VAMP7: variants seen among roughly 807,000 people sequenced by gnomAD.
VAMP7 encodes vesicle-associated membrane protein 7.
In VAMP7, 14 loss-of-function variants were observed where a neutral mutation model predicts 29.6. The observed-to-expected ratio is 0.47, with a 90% CI of 0.31 to 0.74. VAMP7 has a LOEUF of 0.74. VAMP7 is among the 30% of genes least tolerant of loss of function. VAMP7 has a pLI of 0.05. For synonymous variants in VAMP7, 95 were observed against 88.1 expected, an observed-to-expected ratio of 1.08 and a Z score of -0.44; for missense variants, 223 against 262.4, an observed-to-expected ratio of 0.85 and a Z score of 1.04.
rs1314613616 is a variant in VAMP7, at chrX:155,898,261, C to G, written c.342+12C>G. On this transcript the variant is annotated intron_variant, in intron 4 of 7. Transcript: ENST00000286448. The stretch of plus-strand genomic sequence containing the variant: ...TAGCTGCACAGCTGGTAAGATCTTT[C>G]TCAGGATAAGGTATTTTGATTTATA... The G allele has an allele frequency of 1.9e-6, 3 of 1,612,476 alleles. No individual in the cohort carries two copies. Among genetic ancestry groups the G allele is most frequent in the South Asian group, 2.2e-5 (2 of 90,718 alleles).
intron 2 of VAMP7, among the ~76,000 whole-genome samples, chrX:155,894,308 T>G (rs1300818415): frequency 2.4e-4 from 36 of 150,542 alleles, no homozygotes; most frequent in African/African-American, 4.9e-4. Flanking sequence ...TTTGTTTTTT[T>G]TTTTTTTTTT....
chrX:155,930,476 C>T (rs1233437802), intron 6 of VAMP7, among the ~76,000 whole-genome samples: 1 of 121,830 alleles, frequency 8.2e-6, no homozygotes, highest in African/African-American at 3.3e-5. Flanking sequence ...GACCTTATCT[C>T]TACAAAACCA....
At chrX:155,906,230 C>G (rs2066144641) in intron 5 of VAMP7, among the ~76,000 whole-genome samples, 1 of 152,150 alleles carries the variant, frequency 6.6e-6, no homozygotes, top group South Asian at 2.1e-4. Flanking sequence ...AATACCCCAC[C>G]CTTGATCAAG....
At chrX:155,939,095 A>G (rs1478445808) in intron 6 of VAMP7, among the ~76,000 whole-genome samples, 3 of 156 alleles carry the variant, frequency 0.019, no homozygotes, top group East Asian at 0.12. Context: ...CTGTGGGACC[A>G]TACCAGAGTG....
intron 6 of VAMP7, among the ~76,000 whole-genome samples, chrX:155,925,353 G>T (rs1302993168): frequency 6.6e-6 from 1 of 152,160 alleles, no homozygotes; most frequent in Non-Finnish European, 1.5e-5. Flanking sequence ...TAAATAATAA[G>T]ACTTGAAAGT....
intron 5 of VAMP7, among the ~76,000 whole-genome samples, chrX:155,906,171 G>A (rs1226856805): frequency 6.6e-6 from 1 of 152,034 alleles, no homozygotes; most frequent in Non-Finnish European, 1.5e-5. Context: ...TCTCATCCTC[G>A]GGCTCTGTCC....
chrX:155,931,074 T>G (rs1204552887), intron 6 of VAMP7, among the ~76,000 whole-genome samples: 2 of 152,190 alleles, frequency 1.3e-5, no homozygotes, highest in Non-Finnish European at 2.9e-5. Context: ...TATTTCATAG[T>G]GTATACGTGC....
intron 6 of VAMP7, among the ~76,000 whole-genome samples, chrX:155,938,784 C>T (rs192214221): frequency 7.4e-4 from 113 of 152,218 alleles, no homozygotes; most frequent in African/African-American, 2.5e-3. Flanking sequence ...CCACTGCACT[C>T]CAGCTTGGGC....
In VAMP7 at chrX:155,884,661, T is replaced by C. The variant is rs185590764; in HGVS notation, c.-10+3213T>C. On this transcript the variant is annotated intron_variant, in intron 1 of 7. Coordinates refer to ENST00000286448, the MANE Select transcript of VAMP7 (RefSeq NM_005638.6). ...ACACCTATTTCTTTATAGACAGGAA[T>C]GCAAGTGCAGCACTGAATTGTGTGC... is the stretch of plus-strand genomic sequence containing the variant. Among the ~76,000 whole-genome samples, 190 of 152,374 alleles carry C rather than the reference T, an allele frequency of 1.2e-3. 2 individuals carry two copies. Among genetic ancestry groups the C allele is most frequent in the African/African-American group, 4.4e-3 (185 of 41,600 alleles).
At chrX:155,932,549 C>T (rs1474876297) in intron 6 of VAMP7, among the ~76,000 whole-genome samples, 3 of 152,060 alleles carry the variant, frequency 2.0e-5, no homozygotes, top group African/African-American at 4.8e-5. Context: ...GATTTTTGCA[C>T]GTTGATTTCG....
chrX:155,914,661 C>T (rs1054326174), intron 5 of VAMP7, among the ~76,000 whole-genome samples: 18 of 152,052 alleles, frequency 1.2e-4, no homozygotes, highest in Admixed American at 1.3e-4. Flanking sequence ...TGATGGATTA[C>T]GTTTATTGAT....
At position 155,927,607 on chromosome X, in the gene VAMP7, G is replaced by A. The variant is rs780871595; in HGVS notation, c.501+7727G>A. 1.6e-4 allele frequency among the ~76,000 whole-genome samples: 24 copies of A among 151,410 alleles called. No individual in the cohort carries two copies. In the South Asian group the frequency reaches 2.7e-3, roughly 17 times the overall value. The stretch of plus-strand genomic sequence containing the variant: ...TTCCTGCAGTTCTGTTTCAGTGTAC[G>A]ATTTTGTTTGCTTCAAACTGAAGAA... On this transcript the variant is annotated intron_variant, in intron 6 of 7. Coordinates refer to ENST00000286448, the MANE Select transcript of VAMP7 (RefSeq NM_005638.6).
intron 6 of VAMP7, among the ~76,000 whole-genome samples, chrX:155,939,243 A>G (rs2066707882): frequency 6.6e-6 from 1 of 152,162 alleles, no homozygotes; most frequent in South Asian, 2.1e-4. Flanking sequence ...GAAGGAATGA[A>G]GTTCTATGGG....
chrX:155,898,312 T>C, intron 4 of VAMP7, 63 bp downstream of exon 4: 1 of 1,583,886 alleles, frequency 6.3e-7, no homozygotes, highest in Admixed American at 1.8e-5. Flanking sequence ...TCAAACACTA[T>C]GAATCTAGGG....
At chrX:155,908,593 C>T (rs1406132507) in intron 5 of VAMP7, among the ~76,000 whole-genome samples, 2 of 123,324 alleles carry the variant, frequency 1.6e-5, no homozygotes, top group Admixed American at 8.1e-5. Context: ...AGAGGGAGAG[C>T]CATTTTCTTT....
chrX:155,910,929 T>C (rs992432265), intron 5 of VAMP7, among the ~76,000 whole-genome samples: 2 of 152,196 alleles, frequency 1.3e-5, no homozygotes, highest in African/African-American at 4.8e-5. Context: ...GTGCAAAAGC[T>C]TTTTTGTTTA....
At chrX:155,941,560 A>G (rs2066744321) in intron 7 of VAMP7, among the ~76,000 whole-genome samples, 1 of 152,116 alleles carries the variant, frequency 6.6e-6, no homozygotes, top group South Asian at 2.1e-4. Context: ...TGATTTTTTT[A>G]TGACTTGTTA....
intron 6 of VAMP7, among the ~76,000 whole-genome samples, chrX:155,932,194 C>CT (rs2124386992): frequency 6.6e-6 from 1 of 152,228 alleles, no homozygotes; most frequent in South Asian, 2.1e-4. Context: ...AATGCAGGCT[C>CT]TTTTTTGGCT....
At chrX:155,909,325 C>G (rs865847195) in intron 5 of VAMP7, among the ~76,000 whole-genome samples, 1 of 152,206 alleles carries the variant, frequency 6.6e-6, no homozygotes, top group East Asian at 1.9e-4. Context: ...GTGGTGATGT[C>G]TCCTCTTTCA....
Sources: allele counts gnomAD v4.1 joint callset (sites outside exome capture counted in the v4.1 genomes callset), GRCh38; gene constraint gnomAD v4.1.1; transcripts MANE v1.5; gene names NCBI Gene and HGNC (gene_info 2026-07-23, HGNC 2026-07-21).